ROBO1: variants seen among roughly 807,000 people sequenced by gnomAD.
The protein encoded by ROBO1 is roundabout guidance receptor 1.
ROBO1 carries 149 observed loss-of-function variants against 195.9 expected under a neutral mutation model. That is an observed-to-expected ratio of 0.76 (90% CI 0.67 to 0.87). ROBO1 has a LOEUF of 0.87. Ranked by LOEUF, ROBO1 falls within the 40% of genes least tolerant of loss-of-function variation. ROBO1 has a pLI of 0.00. For missense variants in ROBO1, 1,933 were observed against 2,068.3 expected, an observed-to-expected ratio of 0.93 and a Z score of 1.27; for synonymous variants, 816 against 733.2, an observed-to-expected ratio of 1.11 and a Z score of -1.82.
At chr3:78,654,544 A>G (rs1187468063) in intron 18 of ROBO1, among the ~76,000 whole-genome samples, 1 of 152,144 alleles carries the variant, frequency 6.6e-6, no homozygotes, top group Non-Finnish European at 1.5e-5. Context: ...TATTTGTGCA[A>G]GGTTAAGATG....
intron 10 of ROBO1, among the ~76,000 whole-genome samples, chr3:78,685,305 T>G (rs2107820293): frequency 6.6e-6 from 1 of 152,124 alleles, no homozygotes; most frequent in Admixed American, 6.6e-5. Flanking sequence ...TTTAGGGGAG[T>G]TGACAGAATG....
intron 2 of ROBO1, among the ~76,000 whole-genome samples, chr3:79,239,794 A>G (rs2082478676): frequency 6.6e-6 from 1 of 152,210 alleles, no homozygotes; most frequent in African/African-American, 2.4e-5. Context: ...CACAGCACTT[A>G]GTATAAAGCT....
intron 2 of ROBO1, among the ~76,000 whole-genome samples, chr3:79,199,965 A>G (rs2081731709): frequency 6.6e-6 from 1 of 151,794 alleles, no homozygotes; most frequent in South Asian, 2.1e-4. Flanking sequence ...TATTCTGACT[A>G]TAAGGATGGA....
At chr3:79,093,813 AAGTC>A (rs1246046540) in intron 3 of ROBO1, among the ~76,000 whole-genome samples, 1 of 152,050 alleles carries the variant, frequency 6.6e-6, no homozygotes, top group Non-Finnish European at 1.5e-5. Context: ...ATGCACAGTA[AAGTC>A]TTGAGATCCA....
At chr3:79,455,054 A>G (rs1320326234) in intron 2 of ROBO1, among the ~76,000 whole-genome samples, 1 of 152,102 alleles carries the variant, frequency 6.6e-6, no homozygotes, top group South Asian at 2.1e-4. Flanking sequence ...CTCACTCTGA[A>G]TATCTGTTCT....
Position 78,631,091 on chromosome 3 carries a change from T to C in ROBO1, c.3626+70A>G, listed in dbSNP as rs79674040. The C allele has an allele frequency of 3.1e-5, 46 of 1,491,158 alleles. No homozygotes were observed. In the Admixed American group the frequency reaches 6.1e-4, roughly 20 times the overall value. The allele number at this position is 1,491,158 out of a possible 1,614,324, so 92.4% of individuals were successfully genotyped here. ...TCAGTCTTCTCTTGACCACCTAGTA[T>C]AATAATTGCTGAAAATGGGCTGAAA... On this transcript the variant is annotated intron_variant, in intron 25 of 30. Transcript: ENST00000464233.
intron 3 of ROBO1, among the ~76,000 whole-genome samples, chr3:79,095,438 CA>C (rs2079549637): frequency 6.6e-6 from 1 of 151,910 alleles, no homozygotes; most frequent in Non-Finnish European, 1.5e-5. Context: ...TTCCATGTTT[CA>C]AAAAACTGAG....
chr3:78,768,906 G>A (rs915232468), intron 4 of ROBO1, among the ~76,000 whole-genome samples: 5 of 148,288 alleles, frequency 3.4e-5, no homozygotes, highest in African/African-American at 7.5e-5. Flanking sequence ...GAGAATATGC[G>A]GTGTTTGGTT....
At chr3:79,331,422 A>T (rs2034434099) in intron 2 of ROBO1, among the ~76,000 whole-genome samples, 2 of 152,240 alleles carry the variant, frequency 1.3e-5, no homozygotes, top group South Asian at 2.1e-4. Context: ...CAGTTATATA[A>T]GTACAATGTA....
chr3:79,118,980 G>A (rs1043052923), intron 3 of ROBO1, among the ~76,000 whole-genome samples: 2 of 151,910 alleles, frequency 1.3e-5, no homozygotes, highest in Non-Finnish European at 2.9e-5. Context: ...TTTAAGTTCA[G>A]ATACTGCTTT....
intron 21 of ROBO1, among the ~76,000 whole-genome samples, chr3:78,643,081 A>C (rs1343651330): frequency 6.6e-6 from 1 of 152,184 alleles, no homozygotes; most frequent in Admixed American, 6.6e-5. Flanking sequence ...TAAACCACGT[A>C]ATCTGCATCC....
intron 1 of ROBO1, among the ~76,000 whole-genome samples, chr3:79,629,172 A>G (rs1945266479): frequency 6.6e-6 from 1 of 152,140 alleles, no homozygotes; most frequent in South Asian, 2.1e-4. Flanking sequence ...TTTTCACAAC[A>G]TTTCATTCAA....
chr3:79,260,119 T>C (rs2082912545), intron 2 of ROBO1, among the ~76,000 whole-genome samples: 2 of 151,558 alleles, frequency 1.3e-5, no homozygotes, highest in African/African-American at 4.8e-5. Flanking sequence ...TATATATATA[T>C]ATATATTTGT....
chr3:79,230,735 T>C (rs1269339836), intron 2 of ROBO1, among the ~76,000 whole-genome samples: 2 of 152,030 alleles, frequency 1.3e-5, no homozygotes, highest in African/African-American at 4.8e-5. Context: ...TTGACATTCT[T>C]TATACGAGAC....
At chr3:79,068,958 T>C (rs2108429822) in intron 3 of ROBO1, among the ~76,000 whole-genome samples, 1 of 152,016 alleles carries the variant, frequency 6.6e-6, no homozygotes, top group East Asian at 1.9e-4. Flanking sequence ...AAATTTTTGT[T>C]CTCTCCATGC....
chr3:78,989,545 T>C (rs2077188109), intron 3 of ROBO1, among the ~76,000 whole-genome samples: 1 of 151,966 alleles, frequency 6.6e-6, no homozygotes, highest in Non-Finnish European at 1.5e-5. Flanking sequence ...GCCCAGGAGG[T>C]AGAGGTTGCA....
chr3:78,849,298 G>A (rs1370429308), intron 4 of ROBO1, among the ~76,000 whole-genome samples: 2 of 152,046 alleles, frequency 1.3e-5, no homozygotes, highest in Non-Finnish European at 2.9e-5. Flanking sequence ...CATAGCAAAT[G>A]TTCTCATAAA....
intron 2 of ROBO1, among the ~76,000 whole-genome samples, chr3:79,381,823 G>A (rs2130376): frequency 6.6e-6 from 1 of 151,928 alleles, no homozygotes; most frequent in Admixed American, 6.6e-5. Flanking sequence ...TAATATGCAT[G>A]TTATCAAGAG....
At chr3:78,862,178 G>A (rs1047865089) in intron 4 of ROBO1, among the ~76,000 whole-genome samples, 6 of 152,114 alleles carry the variant, frequency 3.9e-5, no homozygotes, top group African/African-American at 1.4e-4. Context: ...GGAGGAAAAG[G>A]AGAAGTCAGA....
Sources: allele counts gnomAD v4.1 joint callset (sites outside exome capture counted in the v4.1 genomes callset), GRCh38; gene constraint gnomAD v4.1.1; transcripts MANE v1.5; gene names NCBI Gene and HGNC (gene_info 2026-07-23, HGNC 2026-07-21).